TPCN1: variants seen among roughly 807,000 people sequenced by gnomAD.
The protein encoded by TPCN1 is two pore channel protein 1.
In TPCN1, 52 loss-of-function variants were observed where a neutral mutation model predicts 108.8. The observed-to-expected ratio is 0.48, with a 90% CI of 0.38 to 0.60. The LOEUF (loss-of-function observed/expected upper bound fraction) is 0.60. Among genes scored for constraint, TPCN1 ranks in the 20% least tolerant of loss-of-function variants. The pLI, the probability that TPCN1 is intolerant of heterozygous loss-of-function variation, is 0.00. For missense variants in TPCN1, 806 were observed against 1,072.8 expected (o/e 0.75, Z 3.47); for synonymous variants, 446 against 433.7 (o/e 1.03, Z -0.35).
At chr12:113,283,913 A>G (rs1464743679) in intron 15 of TPCN1, among the ~76,000 whole-genome samples, 3 of 152,146 alleles carry the variant, frequency 2.0e-5, no homozygotes, top group South Asian at 2.1e-4. Flanking sequence ...GGCTCACGCA[A>G]TCCACCTGCC....
chr12:113,237,251 A>T (rs1953931363), intron 2 of TPCN1, among the ~76,000 whole-genome samples: 1 of 152,142 alleles, frequency 6.6e-6, no homozygotes, highest in South Asian at 2.1e-4. Context: ...GCTATTCTGC[A>T]GTAGTAGGAG....
chr12:113,287,594 A>T (rs1956124247), intron 19 of TPCN1, among the ~76,000 whole-genome samples: 1 of 152,180 alleles, frequency 6.6e-6, no homozygotes, highest in South Asian at 2.1e-4. Flanking sequence ...GTGCCCTCAG[A>T]GCCTGGGCTT....
chr12:113,236,468 A>G (rs912314013), intron 2 of TPCN1, among the ~76,000 whole-genome samples: 5 of 152,062 alleles, frequency 3.3e-5, no homozygotes, highest in Non-Finnish European at 7.4e-5. Flanking sequence ...TGACTTAGGA[A>G]GAGGTGGAGT....
chr12:113,249,020 A>C (rs1462728443), intron 2 of TPCN1, among the ~76,000 whole-genome samples: 1 of 152,098 alleles, frequency 6.6e-6, no homozygotes, highest in Admixed American at 6.5e-5. Flanking sequence ...TGGGCCTTTC[A>C]GCTGATTGTG....
intron 2 of TPCN1, among the ~76,000 whole-genome samples, chr12:113,250,706 G>A (rs1290981613): frequency 1.3e-5 from 2 of 152,150 alleles, no homozygotes; most frequent in Non-Finnish European, 2.9e-5. Flanking sequence ...TGTAATCCCA[G>A]CACTTTGGGA....
At chr12:113,224,518 TC>T (rs1445874051) in intron 1 of TPCN1, among the ~76,000 whole-genome samples, 4 of 151,764 alleles carry the variant, frequency 2.6e-5, no homozygotes, top group Admixed American at 1.3e-4. Context: ...TGCCTCAACC[TC>T]CTGAGCAGCT....
At position 113,232,534 on chromosome 12, in the gene TPCN1, T is replaced by C. The variant is rs2136448070; in HGVS notation, c.112+5570T>C. On this transcript the variant is annotated intron_variant, in intron 2 of 27. Transcript: ENST00000335509. The surrounding 1 kb of genome is among the most constrained non-coding windows in gnomAD (Gnocchi z 5.6). ...TGCCGTGGCTCTGCCTCTGACCAGA[T>C]GGCCCCAGCATACTTGCCAAAGAGT... Among the ~76,000 whole-genome samples, 1 of 152,350 alleles carries C rather than the reference T, an allele frequency of 6.6e-6. No individual in the cohort carries two copies. The highest frequency in any genetic ancestry group is 3.4e-3 in the Middle Eastern group (1 of 294).
In TPCN1 at chr12:113,276,996, C is replaced by T. The variant is rs764720700; in HGVS notation, c.1020C>T (p.Thr340=). ...KFKSLLLHKR[T]AIQHAYRLLI... ...AGTCTTTGCTACTGCACAAGCGAAC[C>T]GCTATCCAGCATGCCTACCGCCTGC... Residue 340 remains threonine (T), a synonymous_variant, in exon 11 of 28, where the codon ACC becomes ACT. Transcript: ENST00000335509. 33 of 1,614,038 alleles carry T rather than the reference C, an allele frequency of 2.0e-5. No homozygotes were observed. Among genetic ancestry groups the T allele is most frequent in the Middle Eastern group, 1.7e-4 (1 of 6,052 alleles).
intron 2 of TPCN1, among the ~76,000 whole-genome samples, chr12:113,227,253 G>A (rs1202881396): frequency 6.6e-6 from 1 of 152,146 alleles, no homozygotes; most frequent in African/African-American, 2.4e-5. Flanking sequence ...GTGGATGCTT[G>A]GTGGGGACCT....
chr12:113,264,611 G>A lies in TPCN1; in HGVS notation c.238-1569G>A, dbSNP rs1264494728. Among the ~76,000 whole-genome samples, 5 of 151,956 alleles carry A rather than the reference G, an allele frequency of 3.3e-5. No individual in the cohort carries two copies. In the South Asian group the frequency reaches 8.3e-4, roughly 25 times the overall value. On this transcript the variant is annotated intron_variant, in intron 3 of 27. Transcript: ENST00000335509. Reference sequence around the variant, plus strand: ...AGAGAATTGCTTGAACCCAGGAGGCGGAGGTTGCAGTGAGCCAAGATTGCA... The same window carrying A: ...AGAGAATTGCTTGAACCCAGGAGGCAGAGGTTGCAGTGAGCCAAGATTGCA...
intron 2 of TPCN1, among the ~76,000 whole-genome samples, chr12:113,243,117 C>A (rs550012446): frequency 6.6e-6 from 1 of 152,226 alleles, no homozygotes; most frequent in East Asian, 1.9e-4. Flanking sequence ...CACCTGTAAT[C>A]CCAGCATTTT....
At chr12:113,235,240 A>G (rs1953839753) in intron 2 of TPCN1, among the ~76,000 whole-genome samples, 1 of 152,364 alleles carries the variant, frequency 6.6e-6, no homozygotes, top group Middle Eastern at 3.4e-3. Flanking sequence ...ATTTGAAGCC[A>G]GAGCAGGTGG....
chr12:113,280,135 T>C lies in TPCN1; in HGVS notation c.1298-16T>C. The C allele has an allele frequency of 6.3e-7, 1 of 1,587,852 alleles. No homozygotes were observed. The highest frequency in any genetic ancestry group is 8.6e-7 in the Non-Finnish European group (1 of 1,157,454). On this transcript the variant is annotated splice_polypyrimidine_tract_variant and intron_variant, in intron 14 of 27. Transcript: ENST00000335509. ...GTGCGTAAATTTACATTTTAACTTG[T>C]CTTTTCTTCAAATAGGTATTAATAT... is the stretch of plus-strand genomic sequence containing the variant.
intron 2 of TPCN1, among the ~76,000 whole-genome samples, chr12:113,241,761 CGTGTGTGTGTGTGTGT>C (rs67580212): frequency 3.5e-5 from 5 of 144,376 alleles, no homozygotes; most frequent in African/African-American, 1.3e-4. Flanking sequence ...CGTGCCTCTG[CGTGTGTGTGTGTGTGT>C]GTGTGTGTGT....
At position 113,283,232 on chromosome 12, in the gene TPCN1, G is replaced by A. The variant is rs138110810; in HGVS notation, c.1343-1349G>A. Among the ~76,000 whole-genome samples the A allele has an allele frequency of 5.4e-3, 824 of 152,340 alleles. 7 individuals carry two copies. Among genetic ancestry groups the A allele is most frequent in the African/African-American group, 0.018 (763 of 41,580 alleles). On this transcript the variant is annotated intron_variant, in intron 15 of 27. Transcript: ENST00000335509. ...CTTCTCCTTCCATTGTTTAAAACCTGTAAGTTGGATACCTATCAATATATC... is the reference window on the plus strand; with the variant it reads ...CTTCTCCTTCCATTGTTTAAAACCTATAAGTTGGATACCTATCAATATATC...
chr12:113,227,590 G>C (rs2136432441), intron 2 of TPCN1, among the ~76,000 whole-genome samples: 1 of 152,308 alleles, frequency 6.6e-6, no homozygotes, highest in African/African-American at 2.4e-5. Context: ...GAGAGGCCTT[G>C]AAAACCTTTC....
chr12:113,292,837 A>T, intron 25 of TPCN1, 97 bp from the exon 26 acceptor site: 4 of 1,394,084 alleles, frequency 2.9e-6, no homozygotes, highest in Non-Finnish European at 3.9e-6. Flanking sequence ...AGAGAACCTT[A>T]AGACCCCCTG....
rs114111511 is a variant in TPCN1 at position 113,260,827 on chromosome 12, C to T, written c.237+335C>T. ...GAGGGAATTCTTTACATACTGAATGCGGTAGCTTTATTCCTGTTTAACTTG... is the reference window on the plus strand; with the variant it reads ...GAGGGAATTCTTTACATACTGAATGTGGTAGCTTTATTCCTGTTTAACTTG... On this transcript the variant is annotated intron_variant, in intron 3 of 27. Transcript: ENST00000335509. Among the ~76,000 whole-genome samples the T allele has an allele frequency of 4.8e-3, 734 of 152,242 alleles. 2 individuals carry two copies. The highest frequency in any genetic ancestry group is 0.014 in the African/African-American group (570 of 41,538).
At chr12:113,237,263 C>A (rs776486162) in intron 2 of TPCN1, among the ~76,000 whole-genome samples, 3 of 152,002 alleles carry the variant, frequency 2.0e-5, no homozygotes, top group Non-Finnish European at 4.4e-5. Context: ...TAGTAGGAGC[C>A]GGATTTGGCA....
Sources: allele counts gnomAD v4.1 joint callset (sites outside exome capture counted in the v4.1 genomes callset), GRCh38; gene constraint gnomAD v4.1.1; non-coding constraint Gnocchi (gnomAD v3.1); transcripts MANE v1.5; gene names NCBI Gene and HGNC (gene_info 2026-07-23, HGNC 2026-07-21).